ZNF385B: variants seen among roughly 807,000 people sequenced by gnomAD.
ZNF385B encodes zinc finger protein 385B.
Under a neutral mutation model 39.2 loss-of-function variants are expected in ZNF385B, and 23 were observed. The ratio of observed to expected loss-of-function variants is 0.59; its 90% confidence interval spans 0.42 to 0.83. The LOEUF is 0.83. Ranked by LOEUF, ZNF385B falls within the 40% of genes least tolerant of loss-of-function variation. The pLI is 0.00. For missense variants in ZNF385B, 552 were observed against 598.9 expected, an observed-to-expected ratio of 0.92 and a Z score of 0.82; for synonymous variants, 205 against 222.6, an observed-to-expected ratio of 0.92 and a Z score of 0.70.
At chr2:179,774,253 GGT>G (rs1456722660) in intron 1 of ZNF385B, among the ~76,000 whole-genome samples, 1 of 151,360 alleles carries the variant, frequency 6.6e-6, no homozygotes, top group Non-Finnish European at 1.5e-5. Flanking sequence ...TATAGTGGAG[GGT>G]GTGTGTGTGT....
At chr2:179,606,120 C>A (rs80048805) in intron 3 of ZNF385B, among the ~76,000 whole-genome samples, 2,199 of 152,164 alleles carry the variant, frequency 0.014, 58 homozygotes, top group African/African-American at 0.051. Flanking sequence ...CTAACCATAT[C>A]TGTTAACATT....
chr2:179,490,801 A>G (rs1471220698), intron 5 of ZNF385B, among the ~76,000 whole-genome samples: 1 of 152,136 alleles, frequency 6.6e-6, no homozygotes, highest in Non-Finnish European at 1.5e-5. Flanking sequence ...CACTGATGCT[A>G]TATGTTACTA....
chr2:179,843,380 G>A (rs947189331), intron 1 of ZNF385B, among the ~76,000 whole-genome samples: 9 of 152,050 alleles, frequency 5.9e-5, no homozygotes, highest in Non-Finnish European at 1.0e-4. Context: ...TTCTTTCTTC[G>A]TACCTTCCTT....
intron 3 of ZNF385B, among the ~76,000 whole-genome samples, chr2:179,597,343 A>G (rs1441890833): frequency 4.6e-5 from 7 of 152,188 alleles, no homozygotes; most frequent in African/African-American, 1.7e-4. Flanking sequence ...TTTTGTCTTA[A>G]AAGGTACAGC....
chr2:179,696,921 C>T (rs563791030), intron 3 of ZNF385B, among the ~76,000 whole-genome samples: 9 of 152,214 alleles, frequency 5.9e-5, no homozygotes, highest in Admixed American at 6.5e-5. Context: ...CAACAATAGT[C>T]GAACCACAAT....
chr2:179,469,405 C>G (rs1340137488), intron 6 of ZNF385B, among the ~76,000 whole-genome samples: 4 of 152,170 alleles, frequency 2.6e-5, no homozygotes, highest in African/African-American at 9.7e-5. Context: ...GTGGGTTGGA[C>G]AAGCTTGTTC....
intron 1 of ZNF385B, among the ~76,000 whole-genome samples, chr2:179,807,307 A>G (rs908498601): frequency 2.6e-5 from 4 of 152,210 alleles, no homozygotes; most frequent in Non-Finnish European, 4.4e-5. Flanking sequence ...AAAGTAAATT[A>G]AAGAATAAGG....
rs11891819 is a variant in ZNF385B, at chr2:179,543,621, T to C, written c.441+1206A>G. Among the ~76,000 whole-genome samples, 371 of 152,194 alleles carry C rather than the reference T, an allele frequency of 2.4e-3. 3 individuals are homozygous for C. The highest frequency in any genetic ancestry group is 7.7e-3 in the African/African-American group (320 of 41,546). On this transcript the variant is annotated intron_variant, in intron 4 of 9. Coordinates refer to ENST00000410066, the MANE Select transcript of ZNF385B (RefSeq NM_152520.6). ...ACCAAGGCAGGCATGATTTATCCTA[T>C]TGAGCCACTCCACTGCTCTAGGAAC...
At chr2:179,633,976 A>G (rs368254777) in intron 3 of ZNF385B, among the ~76,000 whole-genome samples, 1 of 152,228 alleles carries the variant, frequency 6.6e-6, no homozygotes, top group African/African-American at 2.4e-5. Flanking sequence ...CCTATTTAAT[A>G]AATGGTGCTG....
intron 5 of ZNF385B, among the ~76,000 whole-genome samples, chr2:179,485,735 G>A (rs933312190): frequency 1.3e-5 from 2 of 152,110 alleles, no homozygotes; most frequent in Non-Finnish European, 1.5e-5. Context: ...GTTTTTCAGT[G>A]TACCTTGATT....
chr2:179,798,220 A>C (rs1705800789), intron 1 of ZNF385B, among the ~76,000 whole-genome samples: 1 of 151,984 alleles, frequency 6.6e-6, no homozygotes, highest in South Asian at 2.1e-4. Context: ...CCTGAGACAC[A>C]AATCTAGTAG....
intron 1 of ZNF385B, among the ~76,000 whole-genome samples, chr2:179,805,296 C>T (rs1706282738): frequency 6.6e-6 from 1 of 152,154 alleles, no homozygotes; most frequent in African/African-American, 2.4e-5. Context: ...TGGTCCGGTC[C>T]AGCCAAGTCC....
At chr2:179,517,026 G>A (rs965114174) in intron 5 of ZNF385B, among the ~76,000 whole-genome samples, 6 of 151,774 alleles carry the variant, frequency 4.0e-5, no homozygotes, top group African/African-American at 9.7e-5. Context: ...AATTCACTCT[G>A]CAACTTTGTT....
chr2:179,838,550 C>G (rs777513281), intron 1 of ZNF385B, among the ~76,000 whole-genome samples: 5 of 152,190 alleles, frequency 3.3e-5, no homozygotes, highest in Admixed American at 6.5e-5. Context: ...ACAGCTCCTT[C>G]CCCTCTGCAA....
chr2:179,545,866 C>T (rs539981767), intron 3 of ZNF385B, among the ~76,000 whole-genome samples: 1 of 152,158 alleles, frequency 6.6e-6, no homozygotes, highest in East Asian at 1.9e-4. Flanking sequence ...GTATCCATCC[C>T]CTCAAGCATT....
intron 3 of ZNF385B, among the ~76,000 whole-genome samples, chr2:179,605,173 T>C (rs1688704686): frequency 6.6e-6 from 1 of 152,190 alleles, no homozygotes; most frequent in Non-Finnish European, 1.5e-5. Flanking sequence ...TAACAGATTT[T>C]TTATAGAAGT....
intron 3 of ZNF385B, among the ~76,000 whole-genome samples, chr2:179,591,839 G>C (rs2106073501): frequency 6.6e-6 from 1 of 152,238 alleles, no homozygotes; most frequent in Admixed American, 6.5e-5. Flanking sequence ...GTTGAATCTT[G>C]AGCTTCCCTC....
intron 3 of ZNF385B, among the ~76,000 whole-genome samples, chr2:179,690,109 C>T (rs2106342071): frequency 6.6e-6 from 1 of 151,958 alleles, no homozygotes; most frequent in Admixed American, 6.5e-5. Context: ...TTGAATATAC[C>T]ATCTGTTGCT....
At chr2:179,839,428 CA>C (rs1372491978) in intron 1 of ZNF385B, among the ~76,000 whole-genome samples, 1 of 152,144 alleles carries the variant, frequency 6.6e-6, no homozygotes, top group Non-Finnish European at 1.5e-5. Context: ...TATCCTTATT[CA>C]AAGTTATTTT....
Sources: allele counts gnomAD v4.1 joint callset (sites outside exome capture counted in the v4.1 genomes callset), GRCh38; gene constraint gnomAD v4.1.1; transcripts MANE v1.5; gene names NCBI Gene and HGNC (gene_info 2026-07-23, HGNC 2026-07-21).